The following PPP2R2C variants were observed in gnomAD, a reference collection of about 807,000 sequenced individuals.
The protein encoded by PPP2R2C is protein phosphatase 2 regulatory subunit Bgamma.
In PPP2R2C, 10 loss-of-function variants were observed where a neutral mutation model predicts 45.3. That is an observed-to-expected ratio of 0.22 (90% CI 0.14 to 0.37). PPP2R2C has a LOEUF of 0.37. PPP2R2C is among the 10% of genes least tolerant of loss of function. The probability of loss-of-function intolerance (pLI) is 1.00; values close to 1 mark genes in which losing one functional copy is unlikely to be tolerated. For synonymous variants in PPP2R2C, 257 were observed against 245.4 expected (o/e 1.05, Z -0.44); for missense variants, 308 against 619.7 (o/e 0.50, Z 5.34).
In PPP2R2C at chr4:6,323,118, A is replaced by G; in HGVS notation, c.*184T>C. On this transcript the variant is annotated 3_prime_UTR_variant, in exon 9 of 9. Transcript: ENST00000382599. Reference sequence around the variant, plus strand: ...AAACAGACAATTACTGCCAAACACAATTCTGGCCTAGGAAAGCTGGGGCAG... The same window carrying G: ...AAACAGACAATTACTGCCAAACACAGTTCTGGCCTAGGAAAGCTGGGGCAG... The G allele has an allele frequency of 1.7e-6, 1 of 596,120 alleles. No homozygotes were observed. The highest frequency in any genetic ancestry group is 2.7e-6 in the Non-Finnish European group (1 of 367,862). The allele number at this position is 596,120 out of a possible 1,614,324, so 36.9% of individuals were successfully genotyped here.
intron 1 of PPP2R2C, among the ~76,000 whole-genome samples, chr4:6,456,146 A>G (rs1451885432): frequency 6.6e-6 from 1 of 152,268 alleles, no homozygotes; most frequent in Non-Finnish European, 1.5e-5. Context: ...CAGCCAATAA[A>G]AATTGTTAAC....
Position 6,332,569 on chromosome 4 carries a change from T to C in PPP2R2C, c.960+993A>G, listed in dbSNP as rs28452787. ...GAGGCCTGCGCCACCCAGGACGCTT[T>C]CCTACTAGGTCTTCGCACGGAGGAA... On this transcript the variant is annotated intron_variant, in intron 7 of 8. Coordinates refer to ENST00000382599, the MANE Select transcript of PPP2R2C (RefSeq NM_020416.4). This position sits in a 1 kb window ranked among gnomAD's most constrained non-coding sequence, Gnocchi z 4.9. 0.039 allele frequency among the ~76,000 whole-genome samples: 5,904 copies of C among 152,244 alleles called. 346 individuals are homozygous for C. Among genetic ancestry groups the C allele is most frequent in the African/African-American group, 0.14 (5,616 of 41,524 alleles).
intron 1 of PPP2R2C, among the ~76,000 whole-genome samples, chr4:6,418,819 A>T (rs751109663): frequency 6.6e-6 from 1 of 152,168 alleles, no homozygotes; most frequent in Non-Finnish European, 1.5e-5. Flanking sequence ...AACGTTCCTC[A>T]TTCTTCAAGC....
At chr4:6,413,435 A>C (rs1356100199) in intron 1 of PPP2R2C, among the ~76,000 whole-genome samples, 1 of 152,204 alleles carries the variant, frequency 6.6e-6, no homozygotes, top group Admixed American at 6.5e-5. Context: ...TCGGGGTCAG[A>C]GCCTCCAGAG....
intron 6 of PPP2R2C, among the ~76,000 whole-genome samples, chr4:6,338,118 G>A (rs574561532): frequency 2.0e-5 from 3 of 152,008 alleles, no homozygotes; most frequent in Admixed American, 6.6e-5. Context: ...TGACTGAATC[G>A]CTAAGGACAT....
chr4:6,425,156 C>G (rs574079008), intron 1 of PPP2R2C, among the ~76,000 whole-genome samples: 1 of 152,178 alleles, frequency 6.6e-6, no homozygotes, highest in Non-Finnish European at 1.5e-5. Context: ...AGTCAGGGGG[C>G]CTTCCCTGTG....
At chr4:6,336,726 TCCTTCCCTCCCTCCCTCCC>T (rs1732928934) in intron 6 of PPP2R2C, among the ~76,000 whole-genome samples, 1 of 38,258 alleles carries the variant, frequency 2.6e-5, no homozygotes, top group Admixed American at 2.6e-4. Context: ...CCTCCCTCCC[TCCTTCCCTCCCTCCCTCCC>T]TCCCTCCCTC....
chr4:6,456,193 G>A (rs968489645), intron 1 of PPP2R2C, among the ~76,000 whole-genome samples: 2 of 152,176 alleles, frequency 1.3e-5, no homozygotes, highest in African/African-American at 4.8e-5. Flanking sequence ...TGTTGACAGT[G>A]CATTTAATAT....
intron 6 of PPP2R2C, among the ~76,000 whole-genome samples, chr4:6,346,388 C>A (rs1001435062): frequency 3.9e-5 from 6 of 152,200 alleles, no homozygotes; most frequent in Admixed American, 6.5e-5. Flanking sequence ...CCACCCACCC[C>A]CTCAGGGTGT....
intron 1 of PPP2R2C, among the ~76,000 whole-genome samples, chr4:6,437,429 A>G (rs964264123): frequency 1.3e-5 from 2 of 152,212 alleles, no homozygotes; most frequent in African/African-American, 4.8e-5. Context: ...CAACTGTTTC[A>G]TTTTAAAGAT....
intron 2 of PPP2R2C, among the ~76,000 whole-genome samples, chr4:6,498,189 C>T (rs1371223664): frequency 1.1e-4 from 16 of 152,160 alleles, no homozygotes; most frequent in Admixed American, 9.2e-4. Flanking sequence ...ACAAGGAATA[C>T]GAAATGAAGG....
intron 2 of PPP2R2C, among the ~76,000 whole-genome samples, chr4:6,516,170 C>T (rs1228658933): frequency 6.6e-6 from 1 of 152,238 alleles, no homozygotes; most frequent in Non-Finnish European, 1.5e-5. Flanking sequence ...AATTCAACTC[C>T]TATCCACATG....
intron 1 of PPP2R2C, among the ~76,000 whole-genome samples, chr4:6,443,498 C>T (rs1720261402): frequency 6.6e-6 from 1 of 152,188 alleles, no homozygotes; most frequent in Admixed American, 6.5e-5. Flanking sequence ...GTGAGTCACC[C>T]CCTTCCGTGG....
rs551986659 is a variant in PPP2R2C at position 6,341,093 on chromosome 4, G to A, written c.790+6753C>T. Among the ~76,000 whole-genome samples the A allele has an allele frequency of 9.8e-5, 15 of 152,366 alleles. No individual in the cohort carries two copies. The East Asian group carries it at 2.7e-3, about 27-fold the overall frequency. On this transcript the variant is annotated intron_variant, in intron 6 of 8. Transcript: ENST00000382599. ...GCGGTGGCTCACGCCTGTAATCCCAGCACTTTGGGAGGCCGAAGTGGACAG... is the reference window on the plus strand; with the variant it reads ...GCGGTGGCTCACGCCTGTAATCCCAACACTTTGGGAGGCCGAAGTGGACAG...
chr4:6,393,329 A>G (rs535544560), intron 1 of PPP2R2C, among the ~76,000 whole-genome samples: 5 of 152,226 alleles, frequency 3.3e-5, no homozygotes, highest in Non-Finnish European at 7.3e-5. Context: ...CATAAATAGA[A>G]TCATACAGCA....
At chr4:6,415,437 C>T (rs1368960571) in intron 1 of PPP2R2C, among the ~76,000 whole-genome samples, 3 of 152,360 alleles carry the variant, frequency 2.0e-5, no homozygotes, top group East Asian at 1.9e-4. Flanking sequence ...GTCTGGGTCA[C>T]GGTGACAGTG....
At position 6,342,261 on chromosome 4, in the gene PPP2R2C, A is replaced by C. The variant is rs142664256; in HGVS notation, c.790+5585T>G. Among the ~76,000 whole-genome samples the C allele has an allele frequency of 1.5e-3, 232 of 152,268 alleles. 2 individuals carry two copies. The highest frequency in any genetic ancestry group is 5.4e-3 in the African/African-American group (225 of 41,566). On this transcript the variant is annotated intron_variant, in intron 6 of 8. Coordinates refer to ENST00000382599, the MANE Select transcript of PPP2R2C (RefSeq NM_020416.4). ...GATGTTACTGGTAATGCTCCCCACC[A>C]ACAGCCGACTATTAGGAGTGAAGTT...
chr4:6,350,844 G>A, intron 5 of PPP2R2C: 1 of 985,438 alleles, frequency 1.0e-6, no homozygotes, highest in Non-Finnish European at 1.2e-6. Flanking sequence ...AAGCCAGCCT[G>A]TGACGGCCAC....
At chr4:6,409,942 C>A (rs1718051311) in intron 1 of PPP2R2C, among the ~76,000 whole-genome samples, 1 of 152,242 alleles carries the variant, frequency 6.6e-6, no homozygotes, top group Non-Finnish European at 1.5e-5. Flanking sequence ...CCAACTGAGG[C>A]CTTCCCTGCC....
Sources: allele counts gnomAD v4.1 joint callset (sites outside exome capture counted in the v4.1 genomes callset), GRCh38; gene constraint gnomAD v4.1.1; non-coding constraint Gnocchi (gnomAD v3.1); transcripts MANE v1.5; gene names NCBI Gene and HGNC (gene_info 2026-07-23, HGNC 2026-07-21).